GTF2B: variants seen among roughly 807,000 people sequenced by gnomAD.
The protein encoded by GTF2B is transcription initiation factor IIB.
Under a neutral mutation model 34.6 loss-of-function variants are expected in GTF2B, and 20 were observed. The ratio of observed to expected loss-of-function variants is 0.58; its 90% CI spans 0.41 to 0.84. GTF2B has a LOEUF of 0.84. Ranked by LOEUF, GTF2B falls within the 40% of genes least tolerant of loss-of-function variation. The pLI is 0.00. For missense variants in GTF2B, 237 were observed against 393.3 expected, an observed-to-expected ratio of 0.60 and a Z score of 3.36; for synonymous variants, 142 against 132.4, an observed-to-expected ratio of 1.07 and a Z score of -0.50.
At chr1:88,860,750 C>A (rs931935445) in intron 3 of GTF2B, among the ~76,000 whole-genome samples, 1 of 152,074 alleles carries the variant, frequency 6.6e-6, no homozygotes. Context: ...AATCAAAATT[C>A]GTCTTTGATA....
intron 3 of GTF2B, among the ~76,000 whole-genome samples, chr1:88,861,183 T>C (rs1049499721): frequency 6.6e-6 from 1 of 152,124 alleles, no homozygotes; most frequent in South Asian, 2.1e-4. Context: ...AATCTTGAAA[T>C]AAACTTGAGA....
intron 2 of GTF2B, among the ~76,000 whole-genome samples, chr1:88,867,513 G>A (rs1325910814): frequency 3.3e-5 from 5 of 151,874 alleles, no homozygotes; most frequent in South Asian, 2.1e-4. Context: ...AAAAATAACC[G>A]TGGCCTTCAA....
chr1:88,857,995 T>C (rs1435783253), intron 5 of GTF2B, among the ~76,000 whole-genome samples: 1 of 151,266 alleles, frequency 6.6e-6, no homozygotes, highest in East Asian at 2.0e-4. Flanking sequence ...TGTTCTTCAC[T>C]CTTTCAATTT....
chr1:88,860,489 T>C (rs1470852689), intron 3 of GTF2B, among the ~76,000 whole-genome samples: 2 of 151,308 alleles, frequency 1.3e-5, no homozygotes, highest in South Asian at 2.1e-4. Context: ...AGTGTATAAA[T>C]AGAAATATGA....
chr1:88,859,550 T>C (rs1294597268), intron 5 of GTF2B, among the ~76,000 whole-genome samples: 1 of 152,152 alleles, frequency 6.6e-6, no homozygotes, highest in Non-Finnish European at 1.5e-5. Flanking sequence ...AAATGTTATT[T>C]TAGGATGGGC....
rs180859381 is a variant in GTF2B at position 88,862,831 on chromosome 1, C to T, written c.258+1150G>A. ...CTACTTTTTGTATTTTTAGTAGAGA[C>T]GGGGTTTCGCCATCTTGGCCAGGCT... On this transcript the variant is annotated intron_variant, in intron 3 of 6. Coordinates refer to ENST00000370500, the MANE Select transcript of GTF2B (RefSeq NM_001514.6). Among the ~76,000 whole-genome samples the T allele has an allele frequency of 1.7e-4, 25 of 151,404 alleles. 1 individual carries two copies. In the South Asian group the frequency reaches 1.7e-3, roughly 10 times the overall value.
intron 2 of GTF2B, among the ~76,000 whole-genome samples, chr1:88,880,958 G>A (rs1437323867): frequency 2.7e-5 from 4 of 147,978 alleles, no homozygotes; most frequent in Non-Finnish European, 4.4e-5. Flanking sequence ...ACAGTAAGCC[G>A]AGATCATGCC....
rs1275875262 is a variant in GTF2B at position 88,890,051 on chromosome 1, ACTTT to A, written c.17+1428_17+1431del. Reference sequence around the variant, plus strand: ...CATAAAATAAAAAATACTGCATTTAACTTTCTTTGTTGTCACTGATAGAAAAACT... The same window carrying A: ...CATAAAATAAAAAATACTGCATTTAACTTTGTTGTCACTGATAGAAAAACT... On this transcript the variant is annotated intron_variant, in intron 1 of 6. Coordinates refer to ENST00000370500, the MANE Select transcript of GTF2B (RefSeq NM_001514.6). Among the ~76,000 whole-genome samples the A allele has an allele frequency of 9.2e-5, 14 of 152,142 alleles. No homozygotes were observed. The South Asian group carries it at 1.7e-3, about 18-fold the overall frequency.
intron 6 of GTF2B, among the ~76,000 whole-genome samples, 168 bp from the exon 7 acceptor site, chr1:88,853,514 C>A (rs1014385416): frequency 1.3e-5 from 2 of 152,040 alleles, no homozygotes; most frequent in Admixed American, 6.6e-5. Flanking sequence ...AGGTAGAAAG[C>A]GGGAGCTAGG....
chr1:88,862,569 C>T (rs959201578), intron 3 of GTF2B, among the ~76,000 whole-genome samples: 1 of 152,076 alleles, frequency 6.6e-6, no homozygotes, highest in Non-Finnish European at 1.5e-5. Flanking sequence ...ATACAGGGTT[C>T]GGCATGGTAA....
intron 2 of GTF2B, among the ~76,000 whole-genome samples, chr1:88,883,304 T>G (rs779646180): frequency 6.6e-6 from 1 of 152,016 alleles, no homozygotes; most frequent in Middle Eastern, 3.2e-3. Flanking sequence ...TGGCCCCGAG[T>G]TCAGAAAAAT....
chr1:88,867,659 T>G (rs992852259), intron 2 of GTF2B, among the ~76,000 whole-genome samples: 1 of 152,210 alleles, frequency 6.6e-6, no homozygotes, highest in Non-Finnish European at 1.5e-5. Flanking sequence ...CCACATCTTT[T>G]AAGTCTCTCT....
In GTF2B at chr1:88,860,127, G is replaced by A. The variant is rs778939424; in HGVS notation, c.405+13C>T. On this transcript the variant is annotated intron_variant, in intron 4 of 6. Transcript: ENST00000370500. ...ATGCCAGAATGGCTTAAAGGAGGTA[G>A]ACAAGAACTTACAACTATATTTCGA... 6.2e-7 allele frequency: 1 copy of A among 1,613,868 alleles called. No individual in the cohort carries two copies.
At chr1:88,879,406 C>A (rs989987005) in intron 2 of GTF2B, among the ~76,000 whole-genome samples, 5 of 151,622 alleles carry the variant, frequency 3.3e-5, no homozygotes, top group African/African-American at 1.2e-4. Context: ...TGGTGAAACC[C>A]CGTCTCTACT....
chr1:88,871,881 A>C (rs921513891), intron 2 of GTF2B, among the ~76,000 whole-genome samples: 1 of 151,880 alleles, frequency 6.6e-6, no homozygotes. Flanking sequence ...ACAGGCATCC[A>C]CCACCACGCC....
rs575993865 is a variant in GTF2B at position 88,870,173 on chromosome 1, G to A, written c.125-6059C>T. 3.3e-4 allele frequency among the ~76,000 whole-genome samples: 50 copies of A among 152,086 alleles called. No individual in the cohort carries two copies. In the Middle Eastern group the frequency reaches 0.01, roughly 31 times the overall value. On this transcript the variant is annotated intron_variant, in intron 2 of 6. Coordinates refer to ENST00000370500, the MANE Select transcript of GTF2B (RefSeq NM_001514.6). ...GATCTCCTGACCTTGTGATCCACCCGCCTTGGCCTCCCAAAGTGCTGGGAT... is the reference window on the plus strand; with the variant it reads ...GATCTCCTGACCTTGTGATCCACCCACCTTGGCCTCCCAAAGTGCTGGGAT...
chr1:88,889,791 G>A (rs1455837946), intron 1 of GTF2B, among the ~76,000 whole-genome samples: 3 of 152,180 alleles, frequency 2.0e-5, no homozygotes, highest in South Asian at 2.1e-4. Context: ...GGCCAAAGCC[G>A]GAGGACTGCT....
At position 88,887,287 on chromosome 1, in the gene GTF2B, A is replaced by C. The variant is rs1236964358; in HGVS notation, c.98T>G (p.Ile33Ser). ...TACAACCAAGCCACATTCAGGACAG[A>C]TCATATCACCGGCTCTGTAGTCCTC... ...LVEDYRAGDM[I>S]CPECGLVVGD... The change falls in exon 2 of 7, where the codon ATC becomes AGC. Residue 33 changes from isoleucine to serine, a missense_variant. Ile to Ser is a moderately radical substitution (Grantham distance 142). Coordinates refer to ENST00000370500, the MANE Select transcript of GTF2B (RefSeq NM_001514.6). 1 of 1,610,256 alleles carries C rather than the reference A, an allele frequency of 6.2e-7. No individual in the cohort carries two copies. Among genetic ancestry groups the C allele is most frequent in the Non-Finnish European group, 8.5e-7 (1 of 1,176,520 alleles).
chr1:88,883,604 G>A (rs1311905362), intron 2 of GTF2B, among the ~76,000 whole-genome samples: 1 of 151,824 alleles, frequency 6.6e-6, no homozygotes, highest in East Asian at 1.9e-4. Context: ...TGAGGCTGAA[G>A]TGAGTCATGA....
Sources: allele counts gnomAD v4.1 joint callset (sites outside exome capture counted in the v4.1 genomes callset), GRCh38; gene constraint gnomAD v4.1.1; transcripts MANE v1.5; gene names NCBI Gene and HGNC (gene_info 2026-07-23, HGNC 2026-07-21).